Variants in ARHGAP8 observed in about 807,000 individuals in gnomAD.
The protein encoded by ARHGAP8 is Rho GTPase activating protein 8, also known as rho GTPase-activating protein 8.
Under a neutral mutation model 46.1 loss-of-function variants are expected in ARHGAP8, and 62 were observed. The observed-to-expected ratio is 1.34, with a 90% confidence interval of 1.10 to 1.66. The LOEUF is 1.66. Ranked by LOEUF, ARHGAP8 falls within the 40% of genes most tolerant of loss-of-function variation. ARHGAP8 has a pLI of 0.00. For synonymous variants in ARHGAP8, 375 were observed against 243.1 expected (o/e 1.54, Z -5.05); for missense variants, 923 against 568.4 (o/e 1.62, Z -6.34).
chr22:44,753,225 CTT>C (rs529491341), intron 1 of ARHGAP8, among the ~76,000 whole-genome samples: 35 of 140,536 alleles, frequency 2.5e-4, no homozygotes, highest in Non-Finnish European at 2.2e-4. Flanking sequence ...AAAGCAGAAA[CTT>C]TTTTTTTTTT....
At chr22:44,768,068 C>T (rs1356379970) in intron 1 of ARHGAP8, among the ~76,000 whole-genome samples, 2 of 122,096 alleles carry the variant, frequency 1.6e-5, no homozygotes, top group African/African-American at 3.1e-5. Context: ...GGCACGATCT[C>T]GGCTCACTGC....
At chr22:44,837,110 C>T (rs1165920492) in intron 7 of ARHGAP8, among the ~76,000 whole-genome samples, 1 of 152,154 alleles carries the variant, frequency 6.6e-6, no homozygotes, top group Non-Finnish European at 1.5e-5. Context: ...GTCTCGAATT[C>T]CCGACCTCAG....
intron 10 of ARHGAP8, among the ~76,000 whole-genome samples, chr22:44,855,106 AG>A (rs920246453): frequency 1.3e-5 from 2 of 152,258 alleles, no homozygotes; most frequent in African/African-American, 4.8e-5. Context: ...CAATTTGAAT[AG>A]AACTCCTTTA....
intron 2 of ARHGAP8, among the ~76,000 whole-genome samples, chr22:44,795,837 A>G (rs1363085785): frequency 6.6e-6 from 1 of 151,718 alleles, no homozygotes; most frequent in Non-Finnish European, 1.5e-5. Context: ...TGCTCCTCCC[A>G]CAAGCCTCCC....
At chr22:44,832,004 G>A (rs1930979197) in intron 7 of ARHGAP8, among the ~76,000 whole-genome samples, 1 of 151,978 alleles carries the variant, frequency 6.6e-6, no homozygotes, top group South Asian at 2.1e-4. Flanking sequence ...AAGGCAGCTG[G>A]GATTTCAATA....
intron 7 of ARHGAP8, among the ~76,000 whole-genome samples, chr22:44,828,534 C>A (rs1248121532): frequency 6.6e-6 from 1 of 151,624 alleles, no homozygotes; most frequent in Non-Finnish European, 1.5e-5. Context: ...CCTGCAACCT[C>A]CGCCTCCCGG....
intron 11 of ARHGAP8, 123 bp from the exon 12 acceptor site, chr22:44,862,152 G>A (rs2070521161): frequency 8.3e-7 from 1 of 1,206,690 alleles, no homozygotes; most frequent in South Asian, 2.0e-5. Flanking sequence ...ATTACTGGCT[G>A]CCGGCTCCCA....
intron 5 of ARHGAP8, among the ~76,000 whole-genome samples, chr22:44,815,498 AG>A (rs1471487369): frequency 6.6e-6 from 1 of 152,048 alleles, no homozygotes; most frequent in Non-Finnish European, 1.5e-5. Flanking sequence ...CGACTCTCCC[AG>A]GAGCTGAGAG....
intron 4 of ARHGAP8, chr22:44,808,840 G>A: frequency 2.7e-6 from 1 of 368,180 alleles, no homozygotes; most frequent in South Asian, 2.1e-5. Flanking sequence ...CAAAAACAGA[G>A]ACAGTCTCGC....
intron 5 of ARHGAP8, among the ~76,000 whole-genome samples, chr22:44,816,202 C>T (rs749643066): frequency 1.1e-4 from 16 of 152,168 alleles, no homozygotes; most frequent in Non-Finnish European, 1.8e-4. Context: ...GGTCTCTTCT[C>T]GTGCCCCACA....
At chr22:44,837,656 T>C (rs1931377436) in intron 7 of ARHGAP8, among the ~76,000 whole-genome samples, 1 of 152,072 alleles carries the variant, frequency 6.6e-6, no homozygotes, top group Admixed American at 6.5e-5. Context: ...GCACTGACTC[T>C]GTCAGTCCAT....
chr22:44,801,792 C>T (rs554329236), intron 2 of ARHGAP8: 340 of 404,160 alleles, frequency 8.4e-4, no homozygotes, highest in Non-Finnish European at 1.2e-3. Context: ...TGCCGCCTGC[C>T]AGCTGGCTCT....
intron 10 of ARHGAP8, among the ~76,000 whole-genome samples, chr22:44,853,634 C>G (rs1420891321): frequency 2.0e-5 from 3 of 152,184 alleles, no homozygotes; most frequent in Admixed American, 2.0e-4. Flanking sequence ...GGGAATTGAC[C>G]TATGTCGGCT....
At chr22:44,760,127 G>A (rs1204469863) in intron 1 of ARHGAP8, among the ~76,000 whole-genome samples, 1 of 152,190 alleles carries the variant, frequency 6.6e-6, no homozygotes, top group African/African-American at 2.4e-5. Flanking sequence ...CGCCACCTTC[G>A]GGGGTCTCAT....
intron 7 of ARHGAP8, among the ~76,000 whole-genome samples, chr22:44,827,262 G>T (rs1344950028): frequency 1.3e-5 from 2 of 150,270 alleles, no homozygotes; most frequent in African/African-American, 2.4e-5. Flanking sequence ...CCTCCAGGTG[G>T]AACACAGTCA....
At position 44,862,548 on chromosome 22, in the gene ARHGAP8, C is replaced by A. The variant is rs1030625102; in HGVS notation, c.1255C>A (p.Pro419Thr). 8 of 1,602,758 alleles carry A rather than the reference C, an allele frequency of 5.0e-6. No homozygotes were observed. The highest frequency in any genetic ancestry group is 6.0e-6 in the Non-Finnish European group (7 of 1,171,262). ...PRTQATGLTK[P>T]TLPPSPLMAA... ...GACACAAGCCACGGGCCTCACCAAG[C>A]CTACCCTACCTCCGAGTCCCCTGAT... is the stretch of plus-strand genomic sequence containing the variant. The change falls in exon 12 of 12, where the codon CCT (proline) becomes ACT (threonine). Residue 419 changes from proline to threonine, a missense_variant. Physicochemically the swap from Pro to Thr is conservative, Grantham distance 38. Coordinates refer to ENST00000356099, the MANE Select transcript of ARHGAP8 (RefSeq NM_181335.3).
chr22:44,816,174 G>T (rs1405048895), intron 5 of ARHGAP8, among the ~76,000 whole-genome samples: 1 of 151,988 alleles, frequency 6.6e-6, no homozygotes. Context: ...TCGTGGCTCT[G>T]AGGCTGCTGC....
At chr22:44,827,336 G>GGTTTTTTTTTTTTTTTTTTTTTT (rs1223857467) in intron 7 of ARHGAP8, among the ~76,000 whole-genome samples, 1 of 67,258 alleles carries the variant, frequency 1.5e-5, no homozygotes, top group African/African-American at 5.9e-5. Context: ...TTGGGTGGTG[G>GGTTTTTTTTTTTTTTTTTTTTTT]TTTTTTTTTT....
chr22:44,784,616 T>C (rs987499548), intron 1 of ARHGAP8, among the ~76,000 whole-genome samples: 1 of 152,136 alleles, frequency 6.6e-6, no homozygotes, highest in Admixed American at 6.5e-5. Context: ...TCCAGGATAC[T>C]GAGAGACAAC....
Sources: gnomAD v4.1 joint callset for allele counts (sites outside exome capture counted in the v4.1 genomes callset) on GRCh38, gnomAD v4.1.1 for gene constraint, MANE v1.5 for transcripts, NCBI Gene and HGNC (gene_info 2026-07-23, HGNC 2026-07-21) for gene names.